SLC24A2: variants seen among roughly 807,000 people sequenced by gnomAD.
SLC24A2 encodes the protein sodium/potassium/calcium exchanger 2.
Under a neutral mutation model 62.0 loss-of-function variants are expected in SLC24A2, and 36 were observed. The observed-to-expected ratio is 0.58, with a 90% confidence interval of 0.44 to 0.77. The LOEUF is 0.77. Among genes scored for constraint, SLC24A2 ranks in the 30% least tolerant of loss-of-function variants. SLC24A2 has a pLI of 0.00. For synonymous variants in SLC24A2, 358 were observed against 294.0 expected (o/e 1.22, Z -2.23); for missense variants, 846 against 817.9 (o/e 1.03, Z -0.42).
chr9:19,862,266 A>T, the SLC24A2 span, among the ~76,000 whole-genome samples: 1 of 152,178 alleles, frequency 6.6e-6, no homozygotes, highest in Non-Finnish European at 1.5e-5. Flanking sequence ...TGGAAACCTT[A>T]CAGGCTAGGA....
chr9:19,915,623 A>T, the SLC24A2 span, among the ~76,000 whole-genome samples: 13 of 152,198 alleles, frequency 8.5e-5, no homozygotes, highest in Admixed American at 8.5e-4. Flanking sequence ...TATGATGATG[A>T]TAGTAGTTCT....
At chr9:20,166,345 T>C in the SLC24A2 span, among the ~76,000 whole-genome samples, 214 of 152,092 alleles carry the variant, frequency 1.4e-3, no homozygotes, top group African/African-American at 4.9e-3. Context: ...TGGCAAAACA[T>C]TGGAAACTAT....
At chr9:20,214,699 T>C in the SLC24A2 span, among the ~76,000 whole-genome samples, 1 of 152,206 alleles carries the variant, frequency 6.6e-6, no homozygotes, top group South Asian at 2.1e-4. Flanking sequence ...GATAATAAGT[T>C]TGTTACATTC....
At chr9:20,220,219 A>G in the SLC24A2 span, among the ~76,000 whole-genome samples, 1 of 152,108 alleles carries the variant, frequency 6.6e-6, no homozygotes, top group Admixed American at 6.6e-5. Context: ...AACCTATAAC[A>G]TTGTCACATA....
At chr9:19,873,708 T>C in the SLC24A2 span, among the ~76,000 whole-genome samples, 1 of 152,128 alleles carries the variant, frequency 6.6e-6, no homozygotes, top group Non-Finnish European at 1.5e-5. Flanking sequence ...GTGTGAATTT[T>C]AGAGACAAAA....
the SLC24A2 span, among the ~76,000 whole-genome samples, chr9:19,978,478 A>G: frequency 1.3e-5 from 2 of 152,208 alleles, no homozygotes; most frequent in African/African-American, 4.8e-5. Flanking sequence ...TAACTTCTAC[A>G]GTCTTTAGAA....
the SLC24A2 span, among the ~76,000 whole-genome samples, chr9:19,983,999 T>G: frequency 3.3e-5 from 5 of 152,230 alleles, no homozygotes; most frequent in African/African-American, 1.2e-4. Flanking sequence ...AGTATGCTCC[T>G]CAACTTACAA....
chr9:20,175,574 A>G, the SLC24A2 span, among the ~76,000 whole-genome samples: 3 of 152,042 alleles, frequency 2.0e-5, no homozygotes, highest in African/African-American at 7.2e-5. Flanking sequence ...TTATTATGTT[A>G]CTTTAAATAC....
At chr9:19,805,654 C>T in the SLC24A2 span, among the ~76,000 whole-genome samples, 5 of 152,024 alleles carry the variant, frequency 3.3e-5, no homozygotes, top group Non-Finnish European at 7.4e-5. Context: ...AGCAATTAAA[C>T]ATAGTGAGCG....
intron 8 of SLC24A2, among the ~76,000 whole-genome samples, chr9:19,536,329 C>A (rs1274123497): frequency 1.4e-5 from 2 of 147,062 alleles, no homozygotes; most frequent in African/African-American, 2.5e-5. Context: ...TTAGGTATAT[C>A]TCCCAATGCT....
At chr9:20,176,325 A>T in the SLC24A2 span, among the ~76,000 whole-genome samples, 1 of 152,094 alleles carries the variant, frequency 6.6e-6, no homozygotes, top group African/African-American at 2.4e-5. Flanking sequence ...ATGATTTATA[A>T]CATTATAGCT....
At position 19,773,195 on chromosome 9, in the gene SLC24A2, G is replaced by C. The variant is rs139101017; in HGVS notation, c.930+12742C>G. Among the ~76,000 whole-genome samples the C allele has an allele frequency of 2.9e-3, 443 of 152,244 alleles. 3 individuals carry two copies. Among genetic ancestry groups the C allele is most frequent in the African/African-American group, 0.01 (420 of 41,534 alleles). ...GGGAGAGACTATCAGTGTGTACAGG[G>C]TTTCTTTTTGGTGATTAAAATGTTC... On this transcript the variant is annotated intron_variant, in intron 2 of 10. Transcript: ENST00000341998.
chr9:19,716,728 T>C (rs928106086), intron 2 of SLC24A2, among the ~76,000 whole-genome samples: 1 of 152,228 alleles, frequency 6.6e-6, no homozygotes, highest in Admixed American at 6.5e-5. Context: ...TTACAGTTTA[T>C]AGCCACTATC....
chr9:19,524,175 C>T (rs932103922), intron 9 of SLC24A2, among the ~76,000 whole-genome samples: 1 of 144,856 alleles, frequency 6.9e-6, no homozygotes, highest in Non-Finnish European at 1.5e-5. Flanking sequence ...TTAGGCCACT[C>T]AGAGGAGGCC....
At chr9:20,110,136 C>T in the SLC24A2 span, among the ~76,000 whole-genome samples, 9 of 152,158 alleles carry the variant, frequency 5.9e-5, no homozygotes, top group South Asian at 2.1e-4. Flanking sequence ...GAGCCCACAG[C>T]GGAAGAAATT....
At chr9:20,306,412 C>G in the SLC24A2 span, among the ~76,000 whole-genome samples, 1 of 152,238 alleles carries the variant, frequency 6.6e-6, no homozygotes, top group Non-Finnish European at 1.5e-5. Context: ...GATGCTGAGC[C>G]TTTATATAGC....
At chr9:19,564,723 T>A (rs1226744382) in intron 7 of SLC24A2, among the ~76,000 whole-genome samples, 1 of 152,186 alleles carries the variant, frequency 6.6e-6, no homozygotes, top group East Asian at 1.9e-4. Context: ...AAAAGCCGTC[T>A]CATGCTACAT....
intron 10 of SLC24A2, among the ~76,000 whole-genome samples, chr9:19,520,291 T>C (rs529043640): frequency 6.6e-6 from 1 of 152,308 alleles, no homozygotes; most frequent in South Asian, 2.1e-4. Context: ...ATGGTGGAGA[T>C]CGCAGCACCT....
the SLC24A2 span, among the ~76,000 whole-genome samples, chr9:19,903,839 C>G: frequency 6.6e-6 from 1 of 152,178 alleles, no homozygotes; most frequent in Non-Finnish European, 1.5e-5. Context: ...ACTCTATGCT[C>G]CTATGCCTTG....
Sources: allele counts gnomAD v4.1 joint callset (sites outside exome capture counted in the v4.1 genomes callset), GRCh38; gene constraint gnomAD v4.1.1; transcripts MANE v1.5; gene names NCBI Gene and HGNC (gene_info 2026-07-23, HGNC 2026-07-21).